Variants in RIMS2 observed in about 807,000 individuals in gnomAD.
RIMS2 encodes the protein regulating synaptic membrane exocytosis protein 2.
In RIMS2, 59 loss-of-function variants were observed where a neutral mutation model predicts 174.4. That is an observed-to-expected ratio of 0.34 (90% confidence interval 0.27 to 0.42). The LOEUF is 0.42. Among genes scored for constraint, RIMS2 ranks in the 10% least tolerant of loss-of-function variants. RIMS2 has a pLI of 1.00. For synonymous variants in RIMS2, 606 were observed against 572.5 expected (o/e 1.06, Z -0.84); for missense variants, 1,620 against 1,666.3 (o/e 0.97, Z 0.48).
At chr8:103,597,939 C>T (rs755866311) in intron 1 of RIMS2, among the ~76,000 whole-genome samples, 5 of 152,050 alleles carry the variant, frequency 3.3e-5, no homozygotes, top group Admixed American at 6.6e-5. Context: ...TATTATTTTA[C>T]GGAATTTTAT....
At chr8:103,931,526 T>C in intron 12 of RIMS2, 133 bp downstream of exon 14, 1 of 524,620 alleles carries the variant, frequency 1.9e-6, no homozygotes, top group East Asian at 3.6e-5. Context: ...AAACGTGATG[T>C]TCTTAGGAAA....
chr8:104,114,578 A>C (rs2098248603), intron 19 of RIMS2, among the ~76,000 whole-genome samples: 1 of 151,996 alleles, frequency 6.6e-6, no homozygotes, highest in Admixed American at 6.6e-5. Context: ...CATTGTATTA[A>C]ATAACAGTAG....
At chr8:103,500,718 C>T, upstream of RIMS2, 1 of 538,444 alleles carries the variant, frequency 1.9e-6, no homozygotes, top group Non-Finnish European at 3.3e-6. Flanking sequence ...GCTCGCCCTC[C>T]CCTCCCCCTG....
intron 3 of RIMS2, among the ~76,000 whole-genome samples, chr8:103,870,633 A>G (rs1349541650): frequency 1.3e-5 from 2 of 151,934 alleles, no homozygotes; most frequent in Non-Finnish European, 2.9e-5. Context: ...CTCTATTCCA[A>G]ATCTTACTCA....
At chr8:103,530,528 T>A in intron 1 of RIMS2, among the ~76,000 whole-genome samples, 1 of 152,088 alleles carries the variant, frequency 6.6e-6, no homozygotes, top group East Asian at 1.9e-4. Context: ...TATAGATGGT[T>A]AAAGTATATG....
intron 16 of RIMS2, among the ~76,000 whole-genome samples, chr8:103,987,324 A>G (rs1307416599): frequency 1.3e-5 from 2 of 152,176 alleles, no homozygotes; most frequent in South Asian, 2.1e-4. Context: ...TCTTACTTTA[A>G]GTAAACCTTA....
chr8:103,575,245 C>G (rs1481026523), intron 1 of RIMS2, among the ~76,000 whole-genome samples: 1 of 152,162 alleles, frequency 6.6e-6, no homozygotes, highest in Admixed American at 6.5e-5. Flanking sequence ...CAGTGAAACA[C>G]TACTGTGTGC....
chr8:103,548,297 T>C (rs1258564533), intron 1 of RIMS2, among the ~76,000 whole-genome samples: 1 of 152,100 alleles, frequency 6.6e-6, no homozygotes, highest in African/African-American at 2.4e-5. Flanking sequence ...TGACAGCACA[T>C]CAAAAAGCTG....
At chr8:103,971,825 C>T (rs2092912547) in intron 15 of RIMS2, among the ~76,000 whole-genome samples, 1 of 152,192 alleles carries the variant, frequency 6.6e-6, no homozygotes. Flanking sequence ...CCCACCTTGG[C>T]CTCCCAAAGT....
intron 1 of RIMS2, among the ~76,000 whole-genome samples, chr8:103,577,298 A>C (rs185660475): frequency 1.3e-5 from 2 of 152,234 alleles, no homozygotes; most frequent in South Asian, 2.1e-4. Context: ...GGAGACATCT[A>C]TGCAGCCAAC....
intron 2 of RIMS2, among the ~76,000 whole-genome samples, chr8:103,704,865 C>T (rs2097206888): frequency 6.6e-6 from 1 of 151,558 alleles, no homozygotes; most frequent in Non-Finnish European, 1.5e-5. Flanking sequence ...TCTTAGTTTC[C>T]TAGTGAGAGG....
intron 3 of RIMS2, among the ~76,000 whole-genome samples, chr8:103,834,176 T>A (rs938191711): frequency 2.6e-5 from 4 of 152,086 alleles, no homozygotes; most frequent in Admixed American, 1.3e-4. Flanking sequence ...TTTTAAAAAA[T>A]TTTTTGTAGA....
At chr8:103,998,112 T>C in intron 17 of RIMS2, 18 of 1,159,528 alleles carry the variant, frequency 1.6e-5, no homozygotes, top group Non-Finnish European at 2.2e-5. Context: ...TCTCACTTTT[T>C]AAATTAAACT....
intron 10 of RIMS2, among the ~76,000 whole-genome samples, chr8:103,925,026 A>G (rs576581134): frequency 3.1e-4 from 47 of 151,708 alleles, no homozygotes; most frequent in African/African-American, 1.1e-3. Context: ...TCCAGAATTT[A>G]GCAGTTTTTT....
At chr8:103,875,465 G>A (rs1171766343) in intron 3 of RIMS2, among the ~76,000 whole-genome samples, 1 of 152,018 alleles carries the variant, frequency 6.6e-6, no homozygotes, top group Non-Finnish European at 1.5e-5. Context: ...TTGCTGAGTA[G>A]TATTCCATGG....
intron 19 of RIMS2, among the ~76,000 whole-genome samples, chr8:104,049,548 CAA>C (rs2096751027): frequency 6.6e-6 from 1 of 152,086 alleles, no homozygotes; most frequent in African/African-American, 2.4e-5. Flanking sequence ...GGCAATAAAA[CAA>C]GAAATTAGAA....
chr8:103,589,690 A>C (rs1178960080), intron 1 of RIMS2, among the ~76,000 whole-genome samples: 2 of 151,514 alleles, frequency 1.3e-5, no homozygotes, highest in Admixed American at 1.3e-4. Flanking sequence ...AAGTGTTTAC[A>C]CACAGAGGAA....
chr8:104,041,463 T>C, intron 19 of RIMS2, 105 bp downstream of exon 22: 1 of 547,220 alleles, frequency 1.8e-6, no homozygotes, highest in Non-Finnish European at 3.3e-6. Context: ...TCCTTTGTAA[T>C]ATAACAAAAT....
intron 19 of RIMS2, among the ~76,000 whole-genome samples, chr8:104,240,072 A>G (rs1235230127): frequency 2.0e-5 from 3 of 152,156 alleles, no homozygotes; most frequent in Non-Finnish European, 4.4e-5. Flanking sequence ...AGAGAGAAGT[A>G]TATTGAATTT....
Sources: gnomAD v4.1 joint callset for allele counts (sites outside exome capture counted in the v4.1 genomes callset) on GRCh38, gnomAD v4.1.1 for gene constraint, MANE v1.5 for transcripts, NCBI Gene and HGNC (gene_info 2026-07-23, HGNC 2026-07-21) for gene names.